Variants in CACNB2 observed in about 807,000 individuals in gnomAD.
The protein encoded by CACNB2 is voltage-dependent L-type calcium channel subunit beta-2.
CACNB2 carries 42 observed loss-of-function variants against 73.3 expected under a neutral mutation model. The observed-to-expected ratio is 0.57, with a 90% CI of 0.45 to 0.74. The LOEUF (loss-of-function observed/expected upper bound fraction) is 0.74, where lower values mean the gene tolerates loss of function less well. Ranked by LOEUF, CACNB2 falls within the 30% of genes least tolerant of loss-of-function variation. CACNB2 has a pLI of 0.00. For synonymous variants in CACNB2, 348 were observed against 310.3 expected, an observed-to-expected ratio of 1.12 and a Z score of -1.28; for missense variants, 940 against 853.0, an observed-to-expected ratio of 1.10 and a Z score of -1.27.
chr10:18,503,084 T>A (rs2050296686), intron 5 of CACNB2, among the ~76,000 whole-genome samples: 1 of 152,188 alleles, frequency 6.6e-6, no homozygotes, highest in African/African-American at 2.4e-5. Flanking sequence ...ATACATATAA[T>A]GCATATTTTG....
At chr10:18,323,351 T>G (rs2040465319) in intron 2 of CACNB2, among the ~76,000 whole-genome samples, 1 of 152,066 alleles carries the variant, frequency 6.6e-6, no homozygotes, top group Non-Finnish European at 1.5e-5. Flanking sequence ...TGTATGTAAA[T>G]GCAATCATAT....
intron 9 of CACNB2, among the ~76,000 whole-genome samples, chr10:18,520,559 CT>C (rs1249200847): frequency 6.6e-6 from 1 of 152,174 alleles, no homozygotes; most frequent in South Asian, 2.1e-4. Context: ...GTGCCCACCA[CT>C]CCTTTACTCA....
chr10:18,148,778 T>G (rs1444505249), intron 1 of CACNB2, among the ~76,000 whole-genome samples: 3 of 152,014 alleles, frequency 2.0e-5, no homozygotes, highest in Admixed American at 6.6e-5. Flanking sequence ...GAGAATTGCT[T>G]AAAGTCATGA....
chr10:18,222,962 C>G (rs1236785800), intron 2 of CACNB2, among the ~76,000 whole-genome samples: 1 of 152,122 alleles, frequency 6.6e-6, no homozygotes, highest in African/African-American at 2.4e-5. Context: ...AGATGTGAAA[C>G]TTGCCTCAAA....
chr10:18,494,106 T>C (rs1307144454), intron 3 of CACNB2, among the ~76,000 whole-genome samples: 1 of 152,098 alleles, frequency 6.6e-6, no homozygotes, highest in Non-Finnish European at 1.5e-5. Context: ...AGCATAAAAT[T>C]ATTACCTGTG....
chr10:18,504,098 T>C (rs1365109573), intron 5 of CACNB2, among the ~76,000 whole-genome samples: 1 of 152,190 alleles, frequency 6.6e-6, no homozygotes, highest in Non-Finnish European at 1.5e-5. Context: ...TTTCCCAAAA[T>C]TGTTTGAGAA....
intron 2 of CACNB2, among the ~76,000 whole-genome samples, chr10:18,397,321 C>T (rs555579164): frequency 3.6e-4 from 55 of 152,108 alleles, no homozygotes; most frequent in Admixed American, 8.5e-4. Context: ...AAAAATTAGC[C>T]GGGCCTGGTG....
At chr10:18,442,684 G>A (rs1227601112) in intron 3 of CACNB2, among the ~76,000 whole-genome samples, 4 of 150,902 alleles carry the variant, frequency 2.7e-5, no homozygotes, top group Non-Finnish European at 5.9e-5. Flanking sequence ...AATTAGCTGG[G>A]CGTGGTGGCA....
chr10:18,141,229 G>A (rs2030359447), intron 1 of CACNB2: 2 of 1,448,768 alleles, frequency 1.4e-6, no homozygotes, highest in Admixed American at 3.9e-5. Flanking sequence ...AGTCCGGGTG[G>A]GCGGGAGGGG....
intron 2 of CACNB2, among the ~76,000 whole-genome samples, chr10:18,277,030 G>C (rs2038323475): frequency 6.6e-6 from 1 of 152,170 alleles, no homozygotes; most frequent in African/African-American, 2.4e-5. Context: ...GGTAGGAGGA[G>C]CTCTTGAGCC....
chr10:18,290,297 G>T (rs948665346), intron 2 of CACNB2, among the ~76,000 whole-genome samples: 11 of 151,550 alleles, frequency 7.3e-5, no homozygotes, highest in African/African-American at 2.2e-4. Context: ...AAAATGCTGG[G>T]ATTACAGGCA....
At chr10:18,320,277 T>G (rs1176029195) in intron 2 of CACNB2, among the ~76,000 whole-genome samples, 1 of 152,244 alleles carries the variant, frequency 6.6e-6, no homozygotes, top group Non-Finnish European at 1.5e-5. Flanking sequence ...GCTTTTGTCT[T>G]ACTCATCTTC....
chr10:18,512,829 G>T (rs991480133), intron 6 of CACNB2, among the ~76,000 whole-genome samples: 4 of 152,146 alleles, frequency 2.6e-5, no homozygotes, highest in African/African-American at 4.8e-5. Context: ...GTAGTTGGTT[G>T]GCAAGAGGTC....
chr10:18,492,973 A>G (rs1341486366), intron 3 of CACNB2, among the ~76,000 whole-genome samples: 1 of 152,194 alleles, frequency 6.6e-6, no homozygotes. Flanking sequence ...CTCTTTATCC[A>G]TGAGTTCCAC....
chr10:18,150,864 T>TTTTTTTTTTTTTTTTTA lies in CACNB2; in HGVS notation c.121-18_121-2dup. 1 of 1,061,098 alleles carries TTTTTTTTTTTTTTTTTA rather than the reference T, an allele frequency of 9.4e-7. No homozygotes were observed. The highest frequency in any genetic ancestry group is 1.3e-6 in the Non-Finnish European group (1 of 776,566). 65.7% of individuals were successfully genotyped at this position (1,061,098 alleles called of 1,614,324 possible). On this transcript the variant is annotated intron_variant, in intron 1 of 13. Transcript: ENST00000324631. ...TAATAATCTTATTTGTCTTTTTTTT[T>TTTTTTTTTTTTTTTTTA]TTTTTTTTTTTTTTTTAGTCATATG... is the stretch of plus-strand genomic sequence containing the variant.
chr10:18,225,440 C>T lies in CACNB2; in HGVS notation c.213+74465C>T, dbSNP rs149673821. ...GAAACTGAGGGTTTAAGAAATATGG[C>T]CTGGGTCCAGGACTGAACCAGGATT... On this transcript the variant is annotated intron_variant, in intron 2 of 13. Transcript: ENST00000324631. 5.8e-4 allele frequency among the ~76,000 whole-genome samples: 89 copies of T among 152,248 alleles called. 2 individuals are homozygous for T. In the East Asian group the frequency reaches 0.016, roughly 28 times the overall value.
intron 2 of CACNB2, among the ~76,000 whole-genome samples, chr10:18,289,212 C>A (rs944176110): frequency 4.6e-5 from 7 of 151,852 alleles, no homozygotes; most frequent in Admixed American, 2.0e-4. Flanking sequence ...CTACCCCCGA[C>A]CCCCTCCCCA....
At chr10:18,208,883 G>T (rs1564344732) in intron 2 of CACNB2, among the ~76,000 whole-genome samples, 1 of 152,118 alleles carries the variant, frequency 6.6e-6, no homozygotes, top group Non-Finnish European at 1.5e-5. Flanking sequence ...AGGAACTGAT[G>T]CGTATACATC....
intron 2 of CACNB2, among the ~76,000 whole-genome samples, chr10:18,175,804 GT>G (rs1462078876): frequency 2.0e-5 from 3 of 152,122 alleles, no homozygotes; most frequent in Non-Finnish European, 4.4e-5. Flanking sequence ...CACCACATTG[GT>G]CAGGCTGGTC....
Sources: allele counts gnomAD v4.1 joint callset (sites outside exome capture counted in the v4.1 genomes callset), GRCh38; gene constraint gnomAD v4.1.1; transcripts MANE v1.5; gene names NCBI Gene and HGNC (gene_info 2026-07-23, HGNC 2026-07-21).